Variants in ORMDL1 observed in about 807,000 individuals in gnomAD.
The protein encoded by ORMDL1 is ORM1-like protein 1.
In ORMDL1, 10 loss-of-function variants were observed where a neutral mutation model predicts 13.0. The observed-to-expected ratio is 0.77, with a 90% CI of 0.47 to 1.30. The LOEUF (loss-of-function observed/expected upper bound fraction) is 1.30. ORMDL1 is among the 50% of genes most tolerant of loss of function. ORMDL1 has a pLI of 0.00. For missense variants in ORMDL1, 171 were observed against 186.7 expected (o/e 0.92, Z 0.49); for synonymous variants, 61 against 63.9 (o/e 0.95, Z 0.22).
intron 3 of ORMDL1, among the ~76,000 whole-genome samples, chr2:189,779,403 C>T (rs555080983): frequency 2.0e-5 from 3 of 152,228 alleles, no homozygotes; most frequent in South Asian, 2.1e-4. Flanking sequence ...GCTATGATCA[C>T]GCCAGTCTCT....
At chr2:189,767,164 T>C (rs1029504770), downstream of ORMDL1, among the ~76,000 whole-genome samples, 1 of 152,228 alleles carries the variant, frequency 6.6e-6, no homozygotes, top group South Asian at 2.1e-4. Context: ...TTGAGGAATC[T>C]CCATACTCAG....
chr2:189,784,231 G>A (rs1341398284), intron 1 of ORMDL1, 38 bp downstream of exon 1: 1 of 152,250 alleles, frequency 6.6e-6, no homozygotes. Context: ...ACCGACGAAG[G>A]CGACTGTACA....
At chr2:189,772,014 T>TAGTTTCATTTTTAG in intron 4 of ORMDL1, 112 bp from the exon 5 acceptor site, 1 of 808,788 alleles carries the variant, frequency 1.2e-6, no homozygotes. Context: ...TACCTAAAAA[T>TAGTTTCATTTTTAG]GAAACTATTT....
chr2:189,775,661 T>TG lies in ORMDL1; in HGVS notation c.229dup (p.Gln77ProfsTer3). On this transcript the variant is annotated frameshift_variant, in exon 4 of 5. Transcript: ENST00000392349. LOFTEE classifies it high-confidence loss of function. ...ATGAGTTAGGAGCCTTGCTTTACCC[T>TG]GGTCAGGAGTTTCGAAAGGTGTTCC... 6.2e-7 allele frequency: 1 copy of TG among 1,613,998 alleles called. No individual in the cohort carries two copies. Among genetic ancestry groups the TG allele is most frequent in the East Asian group, 2.2e-5 (1 of 44,856 alleles).
intron 2 of ORMDL1, 79 bp from the exon 3 acceptor site, chr2:189,782,681 T>G: frequency 3.1e-6 from 4 of 1,288,558 alleles, no homozygotes; most frequent in Non-Finnish European, 4.4e-6. Flanking sequence ...ACAAGGTACC[T>G]GTGTTGCGAG....
At chr2:189,782,729 A>C in intron 2 of ORMDL1, 127 bp from the exon 3 acceptor site, 1 of 736,830 alleles carries the variant, frequency 1.4e-6, no homozygotes, top group South Asian at 1.9e-5. Context: ...TAGCACACAA[A>C]CACCATCCAA....
chr2:189,781,429 A>G (rs1320403839), intron 3 of ORMDL1, among the ~76,000 whole-genome samples: 1 of 152,060 alleles, frequency 6.6e-6, no homozygotes. Flanking sequence ...TTGTTTTTGT[A>G]AAAGGCAATT....
intron 3 of ORMDL1, 54 bp downstream of exon 3, chr2:189,782,368 G>A (rs986711466): frequency 4.8e-5 from 71 of 1,476,926 alleles, no homozygotes; most frequent in African/African-American, 2.8e-4. Context: ...CTTAATTTCC[G>A]GCAACCACTA....
At chr2:189,783,841 C>T (rs973474625) in intron 1 of ORMDL1, among the ~76,000 whole-genome samples, 1 of 152,166 alleles carries the variant, frequency 6.6e-6, no homozygotes, top group African/African-American at 2.4e-5. Context: ...GCAGGTTTGC[C>T]GCGCTGCCCA....
At position 189,771,878 on chromosome 2, in the gene ORMDL1, C is replaced by T. The variant is rs761363233; in HGVS notation, c.351G>A (p.Thr117=). The stretch of plus-strand genomic sequence containing the variant: ...GGATGAAGTGAGTTGGATCATACTT[C>T]GTATAGAAACTTGCCAGAAAATATC... ...IILYFLASFY[T]KYDPTHFILN... is the part of the protein sequence containing the mutation. Residue 117 remains threonine (T), a synonymous_variant, in exon 5 of 5, where the codon ACG becomes ACA. Transcript: ENST00000392349. 3.8e-6 allele frequency: 6 copies of T among 1,595,118 alleles called. No homozygotes were observed. The highest frequency in any genetic ancestry group is 5.1e-6 in the Non-Finnish European group (6 of 1,169,792).
the ORMDL1 span, chr2:189,764,085 A>C: frequency 0.98 from 149,499 of 152,324 alleles, 73,424 homozygotes; most frequent in South Asian, 1. Context: ...AGAAGTCAGG[A>C]CATCTGGCAC....
chr2:189,775,427 T>C, intron 4 of ORMDL1, 138 bp downstream of exon 4: 1 of 915,012 alleles, frequency 1.1e-6, no homozygotes. Flanking sequence ...ATTTTGTCTA[T>C]ATTTTATGTT....
At chr2:189,777,833 CT>C (rs2047732192) in intron 3 of ORMDL1, among the ~76,000 whole-genome samples, 3 of 152,182 alleles carry the variant, frequency 2.0e-5, no homozygotes, top group Admixed American at 1.3e-4. Flanking sequence ...GGCAAATATA[CT>C]GTATTTTTCT....
chr2:189,768,774 T>C (rs2047523641), downstream of ORMDL1, among the ~76,000 whole-genome samples: 1 of 152,142 alleles, frequency 6.6e-6, no homozygotes, highest in African/African-American at 2.4e-5. Flanking sequence ...CCTCTTGTAT[T>C]TAACTCTTGT....
chr2:189,767,235 G>A (rs142637049), downstream of ORMDL1, among the ~76,000 whole-genome samples: 392 of 152,232 alleles, frequency 2.6e-3, 4 homozygotes, highest in African/African-American at 8.9e-3. Flanking sequence ...GCAGGGAAGC[G>A]AGTCTCTGTT....
intron 3 of ORMDL1, among the ~76,000 whole-genome samples, chr2:189,780,894 T>C (rs1273417599): frequency 6.6e-6 from 1 of 152,192 alleles, no homozygotes; most frequent in East Asian, 1.9e-4. Flanking sequence ...ACTTCAAATA[T>C]ACTCCAGAAG....
rs1203740989 is a variant in ORMDL1 at position 189,770,439 on chromosome 2, C to T, written c.*1328G>A. On this transcript the variant is annotated 3_prime_UTR_variant, in exon 5 of 5. Transcript: ENST00000392349. ...ATACAACTGATTTCTAAACTCAATA[C>T]TTTTGAGATACAAAACAATGATCAT... 2 of 152,126 alleles carry T rather than the reference C, an allele frequency of 1.3e-5. No homozygotes were observed. The allele number at this position is 152,126 out of a possible 1,614,324, so 9.4% of individuals were successfully genotyped here. A position where few individuals can be genotyped will look rare whatever the true frequency, so the allele number is the denominator to read the frequency against.
intron 2 of ORMDL1, 85 bp from the exon 3 acceptor site, chr2:189,782,687 G>A: frequency 7.8e-7 from 1 of 1,277,558 alleles, no homozygotes; most frequent in Non-Finnish European, 1.1e-6. Flanking sequence ...TACCTGTGTT[G>A]CGAGGATTAT....
chr2:189,769,981 A>T (rs935821733), downstream of ORMDL1, among the ~76,000 whole-genome samples: 1 of 152,182 alleles, frequency 6.6e-6, no homozygotes, highest in African/African-American at 2.4e-5. Context: ...ATTTTGTTTT[A>T]AACTGGAATG....
Sources: allele counts gnomAD v4.1 joint callset (sites outside exome capture counted in the v4.1 genomes callset), GRCh38; gene constraint gnomAD v4.1.1; transcripts MANE v1.5; gene names NCBI Gene and HGNC (gene_info 2026-07-23, HGNC 2026-07-21).